The following RNF157 variants were observed in gnomAD, a reference collection of about 807,000 sequenced individuals.
RNF157 encodes ring finger protein 157.
RNF157 carries 55 observed loss-of-function variants against 88.3 expected under a neutral mutation model. The ratio of observed to expected loss-of-function variants is 0.62; its 90% confidence interval spans 0.50 to 0.78. The LOEUF (loss-of-function observed/expected upper bound fraction) is 0.78. Ranked by LOEUF, RNF157 falls within the 30% of genes least tolerant of loss-of-function variation. RNF157 has a pLI of 0.00. For synonymous variants in RNF157, 334 were observed against 341.2 expected (o/e 0.98, Z 0.23); for missense variants, 788 against 860.8 (o/e 0.92, Z 1.06).
In RNF157 at chr17:76,167,671, C is replaced by G. The variant is rs1256165751; in HGVS notation, c.423G>C (p.Glu141Asp). Residue 141 changes from glutamate (E) to aspartate (D), a missense_variant, in exon 4 of 19, where the codon GAG becomes GAC. Physicochemically the swap from Glu to Asp is conservative, Grantham distance 45 (BLOSUM62 2). Transcript: ENST00000269391. ...AITIYYQATEEFQNGIASYIP... is the reference protein window; with the variant it reads ...AITIYYQATEDFQNGIASYIP... ...CTTACCTGGCAATACCATTCTGGAA[C>G]TCTTCCGTGGCCTGGTAATAGATGG... 1 of 1,614,102 alleles carries G rather than the reference C, an allele frequency of 6.2e-7. No homozygotes were observed. The highest frequency in any genetic ancestry group is 1.1e-5 in the South Asian group (1 of 91,080).
chr17:76,145,481 G>A (rs1056051401), intron 18 of RNF157, 128 bp from the exon 19 acceptor site: 13 of 648,376 alleles, frequency 2.0e-5, no homozygotes, highest in African/African-American at 1.1e-4. Context: ...CTCCGATGAC[G>A]GTGCGAGCCA....
At chr17:76,211,535 G>C (rs1306052052) in intron 2 of RNF157, among the ~76,000 whole-genome samples, 1 of 152,216 alleles carries the variant, frequency 6.6e-6, no homozygotes, top group Admixed American at 6.5e-5. Flanking sequence ...TCTGTGACCA[G>C]GCAAACCTAG....
chr17:76,166,440 G>T, intron 6 of RNF157, 21 bp downstream of exon 6: 2 of 1,606,506 alleles, frequency 1.2e-6, no homozygotes, highest in Non-Finnish European at 1.7e-6. Context: ...CACAGCCAAA[G>T]AGGACAGAAA....
At chr17:76,220,605 T>C (rs1598439836) in intron 1 of RNF157, among the ~76,000 whole-genome samples, 2 of 151,948 alleles carry the variant, frequency 1.3e-5, no homozygotes, top group East Asian at 3.9e-4. Context: ...GCCCAGAAGT[T>C]TGAGACCAGC....
intron 1 of RNF157, among the ~76,000 whole-genome samples, chr17:76,234,729 C>T (rs1265052720): frequency 6.6e-6 from 1 of 152,126 alleles, no homozygotes; most frequent in African/African-American, 2.4e-5. Context: ...TATTATTGAG[C>T]ATATGAGTTC....
chr17:76,157,256 G>A lies in RNF157; in HGVS notation c.1414-935C>T, dbSNP rs750358438. On this transcript the variant is annotated intron_variant, in intron 13 of 18. Transcript: ENST00000269391. The surrounding 1 kb of genome is among the most constrained non-coding windows in gnomAD (Gnocchi z 5.6). ...GCCGGGATTCCAGGCGTGAGCCTCC[G>A]CGCCCGGCCAGTCACACAGTCCTTC... Among the ~76,000 whole-genome samples, 9 of 152,200 alleles carry A rather than the reference G, an allele frequency of 5.9e-5. No individual in the cohort carries two copies. The highest frequency in any genetic ancestry group is 1.2e-4 in the African/African-American group (5 of 41,448).
intron 3 of RNF157, among the ~76,000 whole-genome samples, chr17:76,172,872 T>G (rs2069039761): frequency 6.6e-6 from 1 of 151,976 alleles, no homozygotes; most frequent in South Asian, 2.1e-4. Flanking sequence ...AAAATTACAC[T>G]GTCTCAAGGA....
At chr17:76,228,372 T>A (rs2070131096) in intron 1 of RNF157, among the ~76,000 whole-genome samples, 2 of 152,074 alleles carry the variant, frequency 1.3e-5, no homozygotes, top group Admixed American at 1.3e-4. Context: ...CCTAACAACT[T>A]CCCCATATTT....
chr17:76,191,016 T>C (rs114851339), intron 2 of RNF157, among the ~76,000 whole-genome samples: 38 of 151,096 alleles, frequency 2.5e-4, no homozygotes, highest in African/African-American at 9.0e-4. Flanking sequence ...AGTGGGACTG[T>C]TTCTACAAAA....
chr17:76,185,475 C>CATTTTTTTTTTTTTT (rs2069266478), intron 2 of RNF157, among the ~76,000 whole-genome samples: 1 of 141,904 alleles, frequency 7.0e-6, no homozygotes, highest in African/African-American at 2.7e-5. Flanking sequence ...TTAGTCCTTT[C>CATTTTTTTTTTTTTT]TTTTTTTTTT....
chr17:76,149,361 C>A (rs1407449183), intron 18 of RNF157, among the ~76,000 whole-genome samples: 1 of 151,852 alleles, frequency 6.6e-6, no homozygotes, highest in Non-Finnish European at 1.5e-5. Context: ...GGGAGTGGCA[C>A]CCACTTGAAG....
intron 2 of RNF157, among the ~76,000 whole-genome samples, chr17:76,210,588 C>CAAAAAAAAAAAAAAAAA (rs71161274): frequency 1.9e-5 from 1 of 53,516 alleles, no homozygotes; most frequent in Non-Finnish European, 3.3e-5. Context: ...AGACTCCGTC[C>CAAAAAAAAAAAAAAAAA]AAAAAAAAAA....
chr17:76,152,672 C>A, intron 17 of RNF157: 1 of 512,640 alleles, frequency 2.0e-6, no homozygotes, highest in Non-Finnish European at 3.5e-6. Context: ...TGCTGTTTCC[C>A]TAGAGCCCTT....
chr17:76,233,885 CTATT>C (rs903725532), intron 1 of RNF157, among the ~76,000 whole-genome samples: 37 of 152,310 alleles, frequency 2.4e-4, no homozygotes, highest in African/African-American at 8.7e-4. Flanking sequence ...CAGAATTCAC[CTATT>C]TAGTGTGTAC....
At chr17:76,223,726 G>C (rs959333543) in intron 1 of RNF157, among the ~76,000 whole-genome samples, 3 of 151,926 alleles carry the variant, frequency 2.0e-5, no homozygotes, top group African/African-American at 4.8e-5. Flanking sequence ...TAAGTTCAAC[G>C]TACAGCCTCC....
intron 3 of RNF157, among the ~76,000 whole-genome samples, chr17:76,171,783 G>C (rs183632897): frequency 6.6e-6 from 1 of 152,316 alleles, no homozygotes; most frequent in Admixed American, 6.5e-5. Flanking sequence ...AGCATCTGTG[G>C]ACCTGGGAGG....
At chr17:76,213,105 T>C (rs1046273168) in intron 1 of RNF157, among the ~76,000 whole-genome samples, 2 of 152,236 alleles carry the variant, frequency 1.3e-5, no homozygotes, top group Non-Finnish European at 2.9e-5. Context: ...ACAATGCACA[T>C]TAATGATCAT....
intron 1 of RNF157, among the ~76,000 whole-genome samples, chr17:76,239,808 C>G (rs1263034899): frequency 6.6e-6 from 1 of 152,108 alleles, no homozygotes; most frequent in African/African-American, 2.4e-5. Context: ...GGGCGCCGAC[C>G]TCGCCTACGA....
chr17:76,186,848 G>A (rs898372634), intron 2 of RNF157, among the ~76,000 whole-genome samples: 2 of 151,820 alleles, frequency 1.3e-5, no homozygotes, highest in South Asian at 4.2e-4. Context: ...GCTGAGGCAG[G>A]AGAATTGCCT....
Sources: gnomAD v4.1 joint callset for allele counts (sites outside exome capture counted in the v4.1 genomes callset) on GRCh38, gnomAD v4.1.1 for gene constraint, Gnocchi (gnomAD v3.1) non-coding constraint, MANE v1.5 for transcripts, NCBI Gene and HGNC (gene_info 2026-07-23, HGNC 2026-07-21) for gene names.